Variants in GRIP1 observed in about 807,000 individuals in gnomAD.
The protein encoded by GRIP1 is glutamate receptor interacting protein 1.
Under a neutral mutation model 129.9 loss-of-function variants are expected in GRIP1, and 45 were observed. That is an observed-to-expected ratio of 0.35 (90% CI 0.27 to 0.44). The LOEUF (loss-of-function observed/expected upper bound fraction) is 0.44. Ranked by LOEUF, GRIP1 falls within the 20% of genes least tolerant of loss-of-function variation. GRIP1 has a pLI of 1.00. For missense variants in GRIP1, 1,196 were observed against 1,396.8 expected (o/e 0.86, Z 2.29); for synonymous variants, 530 against 520.8 (o/e 1.02, Z -0.24).
chr12:66,585,873 ATG>A (rs1348945451), intron 2 of GRIP1, among the ~76,000 whole-genome samples: 4 of 151,724 alleles, frequency 2.6e-5, no homozygotes, highest in African/African-American at 9.7e-5. Context: ...GCATTTTTTC[ATG>A]TGTTTTTTGG....
intron 24 of GRIP1, among the ~76,000 whole-genome samples, chr12:66,352,591 C>T (rs1354151319): frequency 9.9e-5 from 15 of 151,886 alleles, no homozygotes; most frequent in East Asian, 3.9e-4. Flanking sequence ...AAATTAGCCA[C>T]GCATGGTGGT....
chr12:67,029,648 T>G (rs1188903413), intron 1 of GRIP1, among the ~76,000 whole-genome samples: 1 of 151,480 alleles, frequency 6.6e-6, no homozygotes, highest in Non-Finnish European at 1.5e-5. Context: ...ATTTTTATTA[T>G]TAAACCAAAA....
intron 2 of GRIP1, among the ~76,000 whole-genome samples, chr12:66,592,500 C>CA (rs1395734911): frequency 6.6e-6 from 1 of 152,148 alleles, no homozygotes; most frequent in Non-Finnish European, 1.5e-5. Flanking sequence ...TCCCTGGGTG[C>CA]ATCAAAGTTT....
intron 1 of GRIP1, among the ~76,000 whole-genome samples, chr12:66,751,610 G>A (rs568383122): frequency 1.3e-5 from 2 of 152,176 alleles, no homozygotes; most frequent in Non-Finnish European, 2.9e-5. Context: ...CACCTCAAGG[G>A]CAGGAGTTAG....
At chr12:66,784,496 G>C (rs558202099) in intron 1 of GRIP1, among the ~76,000 whole-genome samples, 2 of 152,296 alleles carry the variant, frequency 1.3e-5, no homozygotes, top group Admixed American at 1.3e-4. Flanking sequence ...CAGGGGCTGA[G>C]TGGCATTGAA....
chr12:66,522,629 T>C (rs1480058958), intron 5 of GRIP1, among the ~76,000 whole-genome samples: 2 of 152,074 alleles, frequency 1.3e-5, no homozygotes, highest in South Asian at 2.1e-4. Flanking sequence ...GCAGAGTGCC[T>C]CTCCTCTTCC....
chr12:66,796,159 A>C (rs996151138), intron 1 of GRIP1, among the ~76,000 whole-genome samples: 13 of 152,218 alleles, frequency 8.5e-5, no homozygotes, highest in African/African-American at 3.1e-4. Flanking sequence ...TAGCAACAGC[A>C]GTCCTGCAAA....
At chr12:66,790,589 T>C (rs1156892978) in intron 1 of GRIP1, among the ~76,000 whole-genome samples, 2 of 152,094 alleles carry the variant, frequency 1.3e-5, no homozygotes, top group Non-Finnish European at 2.9e-5. Flanking sequence ...TAAAATATAA[T>C]AGAAAACTTA....
intron 24 of GRIP1, among the ~76,000 whole-genome samples, chr12:66,352,278 A>G (rs796542413): frequency 6.6e-6 from 1 of 152,188 alleles, no homozygotes; most frequent in South Asian, 2.1e-4. Flanking sequence ...GAGTGGTTTA[A>G]GTCGCAGCAT....
At chr12:66,905,361 C>T (rs1300102863) in intron 1 of GRIP1, among the ~76,000 whole-genome samples, 1 of 150,090 alleles carries the variant, frequency 6.7e-6, no homozygotes, top group Non-Finnish European at 1.5e-5. Flanking sequence ...GTGCCTAGTG[C>T]CTAGATAGAG....
At chr12:66,477,340 C>G (rs1313860652) in intron 7 of GRIP1, among the ~76,000 whole-genome samples, 2 of 151,866 alleles carry the variant, frequency 1.3e-5, no homozygotes, top group Non-Finnish European at 2.9e-5. Flanking sequence ...AGGACCTCTT[C>G]AAGGAGAACT....
chr12:66,371,960 G>T, intron 22 of GRIP1, 33 bp from the exon 23 acceptor site: 1 of 1,354,204 alleles, frequency 7.4e-7, no homozygotes, highest in Non-Finnish European at 1.1e-6. Flanking sequence ...AAACAATTAA[G>T]CCATGGACTA....
chr12:67,048,745 G>C (rs1683531098), intron 1 of GRIP1, among the ~76,000 whole-genome samples: 1 of 152,108 alleles, frequency 6.6e-6, no homozygotes, highest in Non-Finnish European at 1.5e-5. Flanking sequence ...TCATGATAGT[G>C]AATAAGTCTC....
intron 1 of GRIP1, among the ~76,000 whole-genome samples, chr12:66,810,120 A>G (rs2039074510): frequency 6.6e-6 from 1 of 152,216 alleles, no homozygotes; most frequent in African/African-American, 2.4e-5. Context: ...TCCATACATC[A>G]TACAGAAAAT....
intron 22 of GRIP1, among the ~76,000 whole-genome samples, chr12:66,373,554 T>C (rs2055634458): frequency 6.6e-6 from 1 of 152,198 alleles, no homozygotes; most frequent in African/African-American, 2.4e-5. Context: ...GATTTCATAG[T>C]TCCCAAATTC....
intron 1 of GRIP1, among the ~76,000 whole-genome samples, chr12:67,017,928 C>T (rs535177341): frequency 3.9e-5 from 6 of 152,274 alleles, no homozygotes; most frequent in Admixed American, 6.5e-5. Flanking sequence ...CAGATGGCTC[C>T]GGTTGCAGAA....
intron 1 of GRIP1, among the ~76,000 whole-genome samples, chr12:66,777,782 T>G (rs184763947): frequency 6.6e-6 from 1 of 152,140 alleles, no homozygotes; most frequent in Non-Finnish European, 1.5e-5. Context: ...CCAAAAAGTA[T>G]GTAAGAAATT....
chr12:66,829,290 C>T (rs1198020025), intron 1 of GRIP1, among the ~76,000 whole-genome samples: 2 of 151,994 alleles, frequency 1.3e-5, no homozygotes, highest in Admixed American at 1.3e-4. Context: ...GTGACATGGC[C>T]ACAAGTCAGG....
At chr12:66,979,264 C>T (rs1411934940) in intron 1 of GRIP1, among the ~76,000 whole-genome samples, 4 of 80,010 alleles carry the variant, frequency 5.0e-5, no homozygotes, top group Non-Finnish European at 1.0e-4. Flanking sequence ...ACAAGCCCGT[C>T]ATCCTGCAAG....
Sources: gnomAD v4.1 joint callset for allele counts (sites outside exome capture counted in the v4.1 genomes callset) on GRCh38, gnomAD v4.1.1 for gene constraint, MANE v1.5 for transcripts, NCBI Gene and HGNC (gene_info 2026-07-23, HGNC 2026-07-21) for gene names.